Variants in FAT3 observed in about 807,000 individuals in gnomAD.
The protein encoded by FAT3 is protocadherin Fat 3.
A neutral mutation model predicts 310.2 loss-of-function variants in FAT3; 95 were observed. The observed-to-expected ratio is 0.31, with a 90% CI of 0.26 to 0.36. FAT3 has a LOEUF of 0.36. Among genes scored for constraint, FAT3 ranks in the 10% least tolerant of loss-of-function variants. FAT3 has a pLI of 1.00. For missense variants in FAT3, 5,408 were observed against 5,715.6 expected (o/e 0.95, Z 1.74); for synonymous variants, 2,314 against 2,192.9 (o/e 1.06, Z -1.54).
In FAT3 at chr11:92,798,459, G is replaced by A; in HGVS notation, c.5446G>A (p.Val1816Met). Residue 1816 changes from valine to methionine, a missense_variant, in exon 10 of 28, where the codon GTG becomes ATG. By Grantham distance (21) the Val-to-Met change is conservative. Coordinates refer to ENST00000525166, the MANE Select transcript of FAT3 (RefSeq NM_001367949.2). ...NRNALLVYQI[V>M]ESTAKKFFTV... Reference sequence around the variant, plus strand: ...GAATGCTCTGCTTGTGTATCAGATTGTGGAGTCAACAGCAAAAAAGTTTTT... The same window carrying A: ...GAATGCTCTGCTTGTGTATCAGATTATGGAGTCAACAGCAAAAAAGTTTTT... 1 of 1,613,534 alleles carries A rather than the reference G, an allele frequency of 6.2e-7. No homozygotes were observed. The highest frequency in any genetic ancestry group is 8.5e-7 in the Non-Finnish European group (1 of 1,179,824).
At chr11:92,549,028 CA>C (rs1954713109) in intron 3 of FAT3, among the ~76,000 whole-genome samples, 1 of 152,098 alleles carries the variant, frequency 6.6e-6, no homozygotes, top group Non-Finnish European at 1.5e-5. Context: ...ATTAGACTGC[CA>C]AGATCTTAAT....
intron 3 of FAT3, among the ~76,000 whole-genome samples, chr11:92,647,963 C>G (rs1188062140): frequency 6.6e-6 from 1 of 152,070 alleles, no homozygotes; most frequent in Admixed American, 6.6e-5. Flanking sequence ...TTTTATTTCA[C>G]TAGTAGACCT....
chr11:92,774,028 G>A lies in FAT3; in HGVS notation c.4196-13G>A, dbSNP rs765599744. 1.2e-6 allele frequency: 2 copies of A among 1,611,596 alleles called. No individual in the cohort carries two copies. Among genetic ancestry groups the A allele is most frequent in the African/African-American group, 1.3e-5 (1 of 74,816 alleles). The stretch of plus-strand genomic sequence containing the variant: ...TCAGATTTGCTAATTTCATGTTTCT[G>A]TGAAATCATCAGGGGGGAATTTTGA... On this transcript the variant is annotated splice_polypyrimidine_tract_variant and intron_variant, in intron 6 of 27. Transcript: ENST00000525166.
At chr11:92,642,138 G>A (rs1284341954) in intron 3 of FAT3, among the ~76,000 whole-genome samples, 1 of 152,210 alleles carries the variant, frequency 6.6e-6, no homozygotes, top group Non-Finnish European at 1.5e-5. Context: ...CTGCCTTTCA[G>A]AACCTGAGGA....
At chr11:92,795,599 G>A (rs1379224929) in intron 9 of FAT3, among the ~76,000 whole-genome samples, 2 of 151,994 alleles carry the variant, frequency 1.3e-5, no homozygotes, top group African/African-American at 2.4e-5. Flanking sequence ...CAGCGGCCAT[G>A]GGATAGCAGG....
intron 3 of FAT3, among the ~76,000 whole-genome samples, chr11:92,676,634 A>T (rs1158706363): frequency 6.6e-6 from 1 of 152,136 alleles, no homozygotes; most frequent in African/African-American, 2.4e-5. Flanking sequence ...TTTAAACTGG[A>T]CTCTGAAATA....
chr11:92,648,275 T>C (rs1281881079), intron 3 of FAT3, among the ~76,000 whole-genome samples: 8 of 152,198 alleles, frequency 5.3e-5, no homozygotes, highest in Admixed American at 4.6e-4. Context: ...AGATGATTAC[T>C]TGAAGAAAAA....
At position 92,792,977 on chromosome 11, in the gene FAT3, G is replaced by GGTGA. The variant is rs1947075505; in HGVS notation, c.4822+2_4822+5dup. ...AGAACTCATATATACCATAGAAGCAGGTGAGAGCTGTTGCACTGCACAGAT... is the reference window on the plus strand; with the variant it reads ...AGAACTCATATATACCATAGAAGCAGGTGAGTGAGAGCTGTTGCACTGCACAGAT... On this transcript the variant is annotated frameshift_variant and splice_region_variant. Transcript: ENST00000525166. LOFTEE classifies it high-confidence loss of function. The GGTGA allele has an allele frequency of 6.2e-7, 1 of 1,613,110 alleles. No individual in the cohort carries two copies. The highest frequency in any genetic ancestry group is 1.3e-5 in the African/African-American group (1 of 74,888).
chr11:92,812,357 C>T (rs1014675402), intron 13 of FAT3, among the ~76,000 whole-genome samples: 4 of 152,064 alleles, frequency 2.6e-5, no homozygotes, highest in East Asian at 1.9e-4. Flanking sequence ...CCGAAGTGGG[C>T]GGATCACGAG....
At chr11:92,308,412 T>A (rs1947195727) in intron 1 of FAT3, among the ~76,000 whole-genome samples, 1 of 152,220 alleles carries the variant, frequency 6.6e-6, no homozygotes, top group Non-Finnish European at 1.5e-5. Flanking sequence ...CTGCTTTGGA[T>A]GTTGTTTTAT....
chr11:92,720,559 T>C (rs1208334923), intron 4 of FAT3, among the ~76,000 whole-genome samples: 1 of 152,226 alleles, frequency 6.6e-6, no homozygotes, highest in Non-Finnish European at 1.5e-5. Flanking sequence ...GTTTAGCATT[T>C]GGTGAAGGAC....
At chr11:92,256,917 G>A (rs369108079) in intron 1 of FAT3, among the ~76,000 whole-genome samples, 5 of 152,020 alleles carry the variant, frequency 3.3e-5, no homozygotes, top group African/African-American at 4.8e-5. Context: ...GCTGTAAATC[G>A]TATAATCTCA....
At chr11:92,762,359 A>C (rs1163049428) in intron 5 of FAT3, among the ~76,000 whole-genome samples, 189 bp downstream of exon 5, 2 of 152,164 alleles carry the variant, frequency 1.3e-5, no homozygotes, top group Non-Finnish European at 2.9e-5. Flanking sequence ...TTAAATGACG[A>C]GACAATTTCC....
intron 4 of FAT3, among the ~76,000 whole-genome samples, chr11:92,740,062 A>T (rs1412847210): frequency 1.3e-5 from 2 of 152,074 alleles, no homozygotes; most frequent in East Asian, 3.9e-4. Flanking sequence ...CACGAGTATG[A>T]CTCCGGCCTG....
chr11:92,621,023 C>T (rs1019596664), intron 3 of FAT3, among the ~76,000 whole-genome samples: 1 of 152,168 alleles, frequency 6.6e-6, no homozygotes, highest in Admixed American at 6.5e-5. Context: ...AATTACCTCC[C>T]AGAGGCCTCA....
rs138974080 is a variant in FAT3 at position 92,695,956 on chromosome 11, A to G, written c.3608-1428A>G. Reference sequence around the variant, plus strand: ...CGTACAGCTTGGGTGAATATAGTTAATAATAGTGTATTGTACATTTCAAAA... The same window carrying G: ...CGTACAGCTTGGGTGAATATAGTTAGTAATAGTGTATTGTACATTTCAAAA... On this transcript the variant is annotated intron_variant, in intron 3 of 27. Coordinates refer to ENST00000525166, the MANE Select transcript of FAT3 (RefSeq NM_001367949.2). 1.3e-3 allele frequency among the ~76,000 whole-genome samples: 204 copies of G among 152,338 alleles called. 1 individual carries two copies. Among genetic ancestry groups the G allele is most frequent in the African/African-American group, 4.8e-3 (199 of 41,582 alleles).
chr11:92,373,216 A>G (rs1020396936), intron 2 of FAT3, among the ~76,000 whole-genome samples: 1 of 152,106 alleles, frequency 6.6e-6, no homozygotes, highest in African/African-American at 2.4e-5. Flanking sequence ...ACTTACTGAG[A>G]GCATGCTATC....
chr11:92,357,324 T>C (rs2134657042), intron 2 of FAT3, among the ~76,000 whole-genome samples: 1 of 152,318 alleles, frequency 6.6e-6, no homozygotes, highest in African/African-American at 2.4e-5. Flanking sequence ...TGGAGCCTAT[T>C]TTCAAACTTA....
chr11:92,618,227 GA>G (rs1565461197), intron 3 of FAT3, among the ~76,000 whole-genome samples: 1 of 152,196 alleles, frequency 6.6e-6, no homozygotes, highest in Non-Finnish European at 1.5e-5. Flanking sequence ...TTTGATCTCA[GA>G]CTGCTGTGCT....
Sources: gnomAD v4.1 joint callset for allele counts (sites outside exome capture counted in the v4.1 genomes callset) on GRCh38, gnomAD v4.1.1 for gene constraint, MANE v1.5 for transcripts, NCBI Gene and HGNC (gene_info 2026-07-23, HGNC 2026-07-21) for gene names.